POFUT3: variants seen among roughly 807,000 people sequenced by gnomAD.
POFUT3 encodes the protein GDP-fucose protein O-fucosyltransferase 3.
chr8:33,378,557 G>T, the POFUT3 span, among the ~76,000 whole-genome samples: 1 of 152,098 alleles, frequency 6.6e-6, no homozygotes, highest in Non-Finnish European at 1.5e-5. Context: ...CCTGCCTGAG[G>T]CTGTGAAGAC....
chr8:33,345,632 G>A, the POFUT3 span, among the ~76,000 whole-genome samples: 18 of 151,022 alleles, frequency 1.2e-4, no homozygotes, highest in Non-Finnish European at 1.9e-4. Flanking sequence ...AACTCCTGAC[G>A]TCAAGTGATC....
chr8:33,310,901 C>G, the POFUT3 span, among the ~76,000 whole-genome samples: 1 of 152,134 alleles, frequency 6.6e-6, no homozygotes, highest in East Asian at 1.9e-4. Flanking sequence ...AATTTATTTT[C>G]TTATAATACA....
At chr8:33,338,618 T>C in the POFUT3 span, among the ~76,000 whole-genome samples, 21 of 152,270 alleles carry the variant, frequency 1.4e-4, no homozygotes, top group Admixed American at 9.2e-4. Context: ...ATGTTCACCA[T>C]TGCCCAGCAG....
chr8:33,343,000 G>A, the POFUT3 span, among the ~76,000 whole-genome samples: 8 of 151,852 alleles, frequency 5.3e-5, no homozygotes, highest in East Asian at 1.2e-3. Flanking sequence ...CCAGCTACTC[G>A]GGAGGCTGAG....
At chr8:33,460,103 C>T in the POFUT3 span, among the ~76,000 whole-genome samples, 1 of 151,822 alleles carries the variant, frequency 6.6e-6, no homozygotes, top group Non-Finnish European at 1.5e-5. Context: ...GGCAGGAAAT[C>T]GCTTGAACCG....
the POFUT3 span, among the ~76,000 whole-genome samples, chr8:33,379,377 A>G: frequency 7.1e-6 from 1 of 141,268 alleles, no homozygotes; most frequent in Admixed American, 6.9e-5. Context: ...TTTTGTACAT[A>G]ATGTCCAGGA....
chr8:33,321,605 T>C, the POFUT3 span, among the ~76,000 whole-genome samples: 1 of 152,110 alleles, frequency 6.6e-6, no homozygotes, highest in Non-Finnish European at 1.5e-5. Flanking sequence ...CATATTATAT[T>C]GTCAAGCCAA....
chr8:33,309,296 T>G, the POFUT3 span, among the ~76,000 whole-genome samples: 1 of 150,040 alleles, frequency 6.7e-6, no homozygotes, highest in Admixed American at 6.7e-5. Context: ...ATCATTGGCT[T>G]ATTATATCTG....
chr8:33,372,138 C>T, the POFUT3 span: 2 of 988,530 alleles, frequency 2.0e-6, no homozygotes, highest in Non-Finnish European at 2.4e-6. Context: ...GATGGGATCT[C>T]TCATTGCCAA....
the POFUT3 span, among the ~76,000 whole-genome samples, chr8:33,328,388 CA>C: frequency 0.28 from 40,253 of 145,720 alleles, 5,724 homozygotes; most frequent in South Asian, 0.51. Context: ...AAACAAAAAA[CA>C]AAAAAAAAAA....
the POFUT3 span, among the ~76,000 whole-genome samples, chr8:33,392,215 G>A: frequency 5.3e-5 from 8 of 152,092 alleles, no homozygotes; most frequent in African/African-American, 1.2e-4. Flanking sequence ...GTGCAATCAC[G>A]CTAATATAGG....
the POFUT3 span, among the ~76,000 whole-genome samples, chr8:33,399,662 G>T: frequency 0.24 from 36,376 of 149,314 alleles, 4,707 homozygotes; most frequent in South Asian, 0.47. Context: ...TTATTTATTT[G>T]TTTTTTTTTT....
chr8:33,407,024 A>G, the POFUT3 span, among the ~76,000 whole-genome samples: 57 of 152,370 alleles, frequency 3.7e-4, 1 homozygote, highest in South Asian at 7.9e-3. Context: ...AAGTTCACAG[A>G]TAAACTTCAA....
chr8:33,379,926 T>A, the POFUT3 span, among the ~76,000 whole-genome samples: 1 of 114,434 alleles, frequency 8.7e-6, no homozygotes, highest in Admixed American at 1.0e-4. Context: ...ATATATACAC[T>A]ATATATACAC....
chr8:33,331,731 A>G, the POFUT3 span, among the ~76,000 whole-genome samples: 1 of 152,052 alleles, frequency 6.6e-6, no homozygotes, highest in Non-Finnish European at 1.5e-5. Context: ...GCTGGAGTGC[A>G]GTGGCGCGAT....
At chr8:33,450,583 T>C in the POFUT3 span, among the ~76,000 whole-genome samples, 11 of 152,146 alleles carry the variant, frequency 7.2e-5, no homozygotes, top group South Asian at 2.1e-3. Flanking sequence ...GAATGTAAGG[T>C]TTAGTTGGTA....
chr8:33,386,252 T>C, the POFUT3 span, among the ~76,000 whole-genome samples: 1 of 151,706 alleles, frequency 6.6e-6, no homozygotes, highest in East Asian at 1.9e-4. Flanking sequence ...CATAGAATGT[T>C]TTATTCTGCT....
chr8:33,444,808 C>T, the POFUT3 span, among the ~76,000 whole-genome samples: 1 of 151,720 alleles, frequency 6.6e-6, no homozygotes, highest in African/African-American at 2.4e-5. Flanking sequence ...ACAGAGTGAG[C>T]CTCCATCCCA....
chr8:33,460,215 A>C, the POFUT3 span, among the ~76,000 whole-genome samples: 6 of 151,004 alleles, frequency 4.0e-5, no homozygotes, highest in African/African-American at 1.5e-4. Flanking sequence ...TTAGCCAGGC[A>C]CCATGGCACA....
Sources: allele counts gnomAD v4.1 joint callset (sites outside exome capture counted in the v4.1 genomes callset), GRCh38; gene constraint gnomAD v4.1.1; transcripts MANE v1.5; gene names NCBI Gene and HGNC (gene_info 2026-07-23, HGNC 2026-07-21).